The following NDUFS4 variants were observed in gnomAD, a reference collection of about 807,000 sequenced individuals.
NDUFS4 encodes NADH dehydrogenase [ubiquinone] iron-sulfur protein 4, mitochondrial.
In NDUFS4, 28 loss-of-function variants were observed where a neutral mutation model predicts 24.3. The observed-to-expected ratio is 1.15, with a 90% CI of 0.85 to 1.58. NDUFS4 has a LOEUF of 1.58. Ranked by LOEUF, NDUFS4 falls within the 40% of genes most tolerant of loss-of-function variation. NDUFS4 has a pLI of 0.00. For missense variants in NDUFS4, 223 were observed against 207.9 expected (o/e 1.07, Z -0.45); for synonymous variants, 93 against 69.7 (o/e 1.34, Z -1.67).
At chr5:53,666,829 G>C (rs555172966) in intron 4 of NDUFS4, among the ~76,000 whole-genome samples, 75 of 152,258 alleles carry the variant, frequency 4.9e-4, no homozygotes, top group African/African-American at 1.8e-3. Flanking sequence ...GGCTACTCAA[G>C]AGGCTGAGAC....
At chr5:53,570,629 A>G (rs1388854355) in intron 1 of NDUFS4, among the ~76,000 whole-genome samples, 1 of 150,172 alleles carries the variant, frequency 6.7e-6, no homozygotes, top group Non-Finnish European at 1.5e-5. Context: ...CCAGCACCAT[A>G]TGAAAGTTTT....
intron 2 of NDUFS4, among the ~76,000 whole-genome samples, chr5:53,635,652 A>C (rs1340569941): frequency 1.3e-5 from 2 of 152,252 alleles, no homozygotes; most frequent in Non-Finnish European, 2.9e-5. Context: ...AAAATGTATT[A>C]GTTTAATAAT....
chr5:53,660,661 G>A (rs557516738), intron 4 of NDUFS4, among the ~76,000 whole-genome samples: 1 of 152,240 alleles, frequency 6.6e-6, no homozygotes, highest in African/African-American at 2.4e-5. Context: ...TCCAGCACCT[G>A]TTGTTTCCTG....
Position 53,599,006 on chromosome 5 carries a change from C to T in NDUFS4, c.99-4446C>T, listed in dbSNP as rs560551273. Reference sequence around the variant, plus strand: ...ATAGATGGACAAAAATAAAGGCAAACCCATGAGGCAAAGAATGTTTTTAAG... The same window carrying T: ...ATAGATGGACAAAAATAAAGGCAAATCCATGAGGCAAAGAATGTTTTTAAG... On this transcript the variant is annotated intron_variant, in intron 1 of 4. Coordinates refer to ENST00000296684, the MANE Select transcript of NDUFS4 (RefSeq NM_002495.4). 6.6e-4 allele frequency among the ~76,000 whole-genome samples: 101 copies of T among 152,138 alleles called. 1 individual carries two copies. In the South Asian group the frequency reaches 0.02, roughly 30 times the overall value.
At chr5:53,676,048 C>T (rs536868520) in intron 4 of NDUFS4, among the ~76,000 whole-genome samples, 4 of 152,086 alleles carry the variant, frequency 2.6e-5, no homozygotes, top group Non-Finnish European at 4.4e-5. Context: ...CATAGATATA[C>T]AATAAACATG....
intron 4 of NDUFS4, among the ~76,000 whole-genome samples, chr5:53,682,555 A>G (rs550874222): frequency 5.7e-4 from 85 of 150,058 alleles, no homozygotes; most frequent in African/African-American, 7.2e-4. Context: ...TTGAAAATCA[A>G]TTTTTGAGTT....
chr5:53,573,074 A>T (rs1202279984), intron 1 of NDUFS4, among the ~76,000 whole-genome samples: 1 of 145,194 alleles, frequency 6.9e-6, no homozygotes, highest in Non-Finnish European at 1.5e-5. Context: ...GACTCTAGCG[A>T]TTCTTTCCCA....
chr5:53,572,957 GTTTTTTTTTTTTGT>G lies in NDUFS4; in HGVS notation c.98+12210_98+12223del, dbSNP rs1344760964. Reference sequence around the variant, plus strand: ...CCGTGCCTGGCCTTTGTTGTTTTTTGTTTTTTTTTTTTGTTTTTTTTTTTTTTTAAGAGACCAGG... The same window carrying G: ...CCGTGCCTGGCCTTTGTTGTTTTTTGTTTTTTTTTTTTTTAAGAGACCAGG... On this transcript the variant is annotated intron_variant, in intron 1 of 4. Coordinates refer to ENST00000296684, the MANE Select transcript of NDUFS4 (RefSeq NM_002495.4). Among the ~76,000 whole-genome samples, 100 of 103,328 alleles carry G rather than the reference GTTTTTTTTTTTTGT, an allele frequency of 9.7e-4. No homozygotes were observed. In the East Asian group the frequency reaches 1.0e-2, roughly 10 times the overall value. 67.8% of individuals were successfully genotyped at this position (103,328 alleles called of 152,430 possible).
At chr5:53,676,514 G>A (rs1394054460) in intron 4 of NDUFS4, among the ~76,000 whole-genome samples, 2 of 152,094 alleles carry the variant, frequency 1.3e-5, no homozygotes, top group South Asian at 2.1e-4. Flanking sequence ...TAAACAAAGC[G>A]TATCTGAAAC....
chr5:53,659,843 A>G (rs1013919463), intron 4 of NDUFS4, among the ~76,000 whole-genome samples: 1 of 152,094 alleles, frequency 6.6e-6, no homozygotes, highest in African/African-American at 2.4e-5. Flanking sequence ...CTGCCTTTGA[A>G]TCTGTATGTC....
At chr5:53,606,522 A>T (rs1459506961) in intron 2 of NDUFS4, among the ~76,000 whole-genome samples, 1 of 152,102 alleles carries the variant, frequency 6.6e-6, no homozygotes, top group Non-Finnish European at 1.5e-5. Context: ...GCCCGCCACC[A>T]CGCCTGGCTA....
At chr5:53,579,050 G>A in intron 1 of NDUFS4, among the ~76,000 whole-genome samples, 1 of 152,148 alleles carries the variant, frequency 6.6e-6, no homozygotes, top group Admixed American at 6.5e-5. Context: ...CAGTGACCCT[G>A]TTGCTAATTG....
chr5:53,679,818 G>A (rs936282340), intron 4 of NDUFS4, among the ~76,000 whole-genome samples: 4 of 152,028 alleles, frequency 2.6e-5, no homozygotes, highest in Non-Finnish European at 4.4e-5. Flanking sequence ...AGAGAACTTA[G>A]GTTTCTTACC....
chr5:53,679,562 A>G (rs1312998159), intron 4 of NDUFS4, among the ~76,000 whole-genome samples: 5 of 152,124 alleles, frequency 3.3e-5, no homozygotes, highest in African/African-American at 1.2e-4. Context: ...AGTGACCCTG[A>G]CCACATTTTG....
At position 53,660,394 on chromosome 5, in the gene NDUFS4, T is replaced by C. The variant is rs569186458; in HGVS notation, c.424+1770T>C. Among the ~76,000 whole-genome samples, 81 of 152,128 alleles carry C rather than the reference T, an allele frequency of 5.3e-4. 2 individuals are homozygous for C. The highest frequency in any genetic ancestry group is 1.1e-3 in the Non-Finnish European group (75 of 68,040). On this transcript the variant is annotated intron_variant, in intron 4 of 4. Transcript: ENST00000296684. The stretch of plus-strand genomic sequence containing the variant: ...TGTGCCACATTTGCTTAATCCAGTC[T>C]ATCATTGTTGGACATTTGGCTTGAT...
chr5:53,659,113 G>A (rs1752248746), intron 4 of NDUFS4, among the ~76,000 whole-genome samples: 1 of 152,024 alleles, frequency 6.6e-6, no homozygotes. Flanking sequence ...GCCCACATTT[G>A]CTACTTTTCT....
In NDUFS4 at chr5:53,563,541, A is replaced by C. The variant is rs559884923; in HGVS notation, c.98+2781A>C. Among the ~76,000 whole-genome samples the C allele has an allele frequency of 2.7e-5, 4 of 149,888 alleles. 1 individual carries two copies. In the South Asian group the frequency reaches 8.4e-4, roughly 32 times the overall value. On this transcript the variant is annotated intron_variant, in intron 1 of 4. Coordinates refer to ENST00000296684, the MANE Select transcript of NDUFS4 (RefSeq NM_002495.4). The stretch of plus-strand genomic sequence containing the variant: ...TTGGAGATGTAGTTTCGCTCTTGTC[A>C]CCCATTCTAGAGTGCAGTGGCACAA...
chr5:53,667,681 G>GTT (rs1265972514), intron 4 of NDUFS4, among the ~76,000 whole-genome samples: 1 of 151,936 alleles, frequency 6.6e-6, no homozygotes, highest in Non-Finnish European at 1.5e-5. Flanking sequence ...GTTCTGATAA[G>GTT]TTAAGGCATT....
chr5:53,596,936 A>G (rs1285768510), intron 1 of NDUFS4, among the ~76,000 whole-genome samples: 26 of 152,200 alleles, frequency 1.7e-4, no homozygotes, highest in Non-Finnish European at 5.9e-5. Context: ...AATCATATTC[A>G]GTTATTTATA....
Sources: gnomAD v4.1 joint callset for allele counts (sites outside exome capture counted in the v4.1 genomes callset) on GRCh38, gnomAD v4.1.1 for gene constraint, MANE v1.5 for transcripts, NCBI Gene and HGNC (gene_info 2026-07-23, HGNC 2026-07-21) for gene names.